Variants in EBPL observed in about 807,000 individuals in gnomAD.
EBPL encodes emopamil-binding protein-like.
In EBPL, 20 loss-of-function variants were observed where a neutral mutation model predicts 19.0. The ratio of observed to expected loss-of-function variants is 1.05; its 90% CI spans 0.74 to 1.53. EBPL has a LOEUF of 1.53. Ranked by LOEUF, EBPL falls within the 40% of genes most tolerant of loss-of-function variation. The pLI is 0.00. For missense variants in EBPL, 219 were observed against 261.1 expected, an observed-to-expected ratio of 0.84 and a Z score of 1.11; for synonymous variants, 107 against 117.0, an observed-to-expected ratio of 0.91 and a Z score of 0.55.
intron 1 of EBPL, among the ~76,000 whole-genome samples, chr13:49,688,124 A>T (rs1374048686): frequency 6.6e-6 from 1 of 152,210 alleles, no homozygotes; most frequent in Non-Finnish European, 1.5e-5. Context: ...ATAAAATTTT[A>T]TCCATGAAGC....
chr13:49,691,076 G>A (rs1954057922), intron 1 of EBPL, among the ~76,000 whole-genome samples, 178 bp downstream of exon 1: 1 of 152,224 alleles, frequency 6.6e-6, no homozygotes, highest in Non-Finnish European at 1.5e-5. Context: ...CACAGACCTG[G>A]GAATCAGAAC....
intron 1 of EBPL, among the ~76,000 whole-genome samples, chr13:49,679,335 A>G (rs1225823252): frequency 1.3e-5 from 2 of 152,206 alleles, no homozygotes; most frequent in East Asian, 3.8e-4. Flanking sequence ...AGCCATCTGG[A>G]ACTAAGATTC....
chr13:49,678,382 G>A lies in EBPL; in HGVS notation c.172-8536C>T, dbSNP rs76560181. On this transcript the variant is annotated intron_variant, in intron 1 of 3. Transcript: ENST00000242827. ...AATCGGACAGGTCGCTGCGGAGCAG[G>A]GGGCAGTGCCCTTCAGGAGCGGGGG... Among the ~76,000 whole-genome samples the A allele has an allele frequency of 2.6e-5, 4 of 152,174 alleles. No homozygotes were observed. In the South Asian group the frequency reaches 8.3e-4, roughly 31 times the overall value.
chr13:49,661,988 A>C (rs1293181817), intron 3 of EBPL: 6 of 1,425,476 alleles, frequency 4.2e-6, no homozygotes, highest in Non-Finnish European at 5.8e-6. Flanking sequence ...GATAGGATGG[A>C]TAATTTTTTC....
intron 1 of EBPL, chr13:49,686,702 C>T: frequency 9.2e-7 from 1 of 1,083,246 alleles, no homozygotes; most frequent in Non-Finnish European, 1.2e-6. Context: ...CGTGCTATCT[C>T]CCCCAACTCA....
chr13:49,678,824 G>A, intron 1 of EBPL, among the ~76,000 whole-genome samples: 1 of 151,788 alleles, frequency 6.6e-6, no homozygotes, highest in Non-Finnish European at 1.5e-5. Context: ...TTAGCACGTT[G>A]TCACCTCTCA....
At chr13:49,690,892 C>T (rs777491467) in intron 1 of EBPL, among the ~76,000 whole-genome samples, 1 of 152,196 alleles carries the variant, frequency 6.6e-6, no homozygotes, top group African/African-American at 2.4e-5. Context: ...CTTGCCCCCT[C>T]TGGGGCATTT....
chr13:49,672,093 A>G (rs1034515692), intron 1 of EBPL, among the ~76,000 whole-genome samples: 2 of 152,182 alleles, frequency 1.3e-5, no homozygotes, highest in Non-Finnish European at 2.9e-5. Context: ...TCTGCTCGCT[A>G]TGGACCCCCA....
At chr13:49,682,267 T>C (rs1207729021) in intron 1 of EBPL, among the ~76,000 whole-genome samples, 2 of 152,254 alleles carry the variant, frequency 1.3e-5, no homozygotes, top group South Asian at 2.1e-4. Flanking sequence ...GGCAGTATAC[T>C]GTTTGATTTA....
chr13:49,673,667 C>G (rs1324114770), intron 1 of EBPL, among the ~76,000 whole-genome samples: 1 of 152,122 alleles, frequency 6.6e-6, no homozygotes, highest in Middle Eastern at 3.2e-3. Flanking sequence ...GAACTCCTGA[C>G]CTCAAGCGAT....
chr13:49,668,043 T>C (rs1302413016), intron 2 of EBPL: 2 of 152,314 alleles, frequency 1.3e-5, no homozygotes, highest in Non-Finnish European at 2.9e-5. Flanking sequence ...CAGAGTTTAA[T>C]GCAGCCAATC....
chr13:49,669,798 C>A lies in EBPL; in HGVS notation c.220G>T (p.Asp74Tyr), dbSNP rs1238641949. ...TTACATAAAGAAGCAATCAAGCCAT[C>A]GGAATTTGCAACGTTTCCTACTAAA... ...LSLVGNVANS[D>Y]GLIASLWKEY... The change falls in exon 2 of 4, where the codon GAT becomes TAT. Residue 74 changes from aspartate (D) to tyrosine (Y), a missense_variant. Asp to Tyr is a radical substitution (Grantham distance 160). This residue lies in a region of EBPL where 170 missense variants were observed against 167.0 expected (regional missense o/e 1.02). Coordinates refer to ENST00000242827, the MANE Select transcript of EBPL (RefSeq NM_032565.5). 1 of 1,614,092 alleles carries A rather than the reference C, an allele frequency of 6.2e-7. No individual in the cohort carries two copies. Among genetic ancestry groups the A allele is most frequent in the Non-Finnish European group, 8.5e-7 (1 of 1,179,970 alleles).
intron 1 of EBPL, among the ~76,000 whole-genome samples, chr13:49,677,907 G>A (rs1041435530): frequency 1.3e-5 from 2 of 152,230 alleles, no homozygotes; most frequent in Non-Finnish European, 2.9e-5. Context: ...GGCCTCAGGA[G>A]TGAAGCTGCA....
chr13:49,672,409 A>T (rs1953827194), intron 1 of EBPL, among the ~76,000 whole-genome samples: 1 of 152,220 alleles, frequency 6.6e-6, no homozygotes, highest in African/African-American at 2.4e-5. Context: ...CTGGGAGGTC[A>T]GTGCCCTCCT....
intron 1 of EBPL, among the ~76,000 whole-genome samples, chr13:49,678,274 A>G (rs1953899558): frequency 6.6e-6 from 1 of 152,142 alleles, no homozygotes; most frequent in Non-Finnish European, 1.5e-5. Flanking sequence ...GGCTTCCCCT[A>G]GTGGATCCCG....
chr13:49,686,234 T>A (rs1953995875), intron 1 of EBPL, among the ~76,000 whole-genome samples: 1 of 152,208 alleles, frequency 6.6e-6, no homozygotes. Context: ...ACTTTTACCC[T>A]TCTTCGGCCA....
At chr13:49,662,956 C>T (rs1965170647) in intron 3 of EBPL, 101 bp downstream of exon 3, 1 of 1,458,946 alleles carries the variant, frequency 6.9e-7, no homozygotes, top group Admixed American at 2.2e-5. Flanking sequence ...CACCTTTTAT[C>T]TAACAAATAT....
At chr13:49,663,234 A>AT (rs2137481703) in intron 2 of EBPL, 39 bp from the exon 3 acceptor site, 7 of 1,609,464 alleles carry the variant, frequency 4.3e-6, no homozygotes, top group Non-Finnish European at 6.0e-6. Context: ...AATGGCAACA[A>AT]TTTTTATGAC....
intron 1 of EBPL, among the ~76,000 whole-genome samples, chr13:49,676,125 C>T (rs1953873265): frequency 6.6e-6 from 1 of 152,176 alleles, no homozygotes; most frequent in South Asian, 2.1e-4. Context: ...GGCTAGACTG[C>T]CCCATGGGCA....
Sources: allele counts gnomAD v4.1 joint callset (sites outside exome capture counted in the v4.1 genomes callset), GRCh38; gene constraint gnomAD v4.1.1; regional missense constraint gnomAD v4.1.1; transcripts MANE v1.5; gene names NCBI Gene and HGNC (gene_info 2026-07-23, HGNC 2026-07-21).